The following ZNF568 variants were observed in gnomAD, a reference collection of about 807,000 sequenced individuals.
ZNF568 encodes the protein p53 inhibitor of SCO2 activation.
Under a neutral mutation model 18.1 loss-of-function variants are expected in ZNF568, and 11 were observed. The ratio of observed to expected loss-of-function variants is 0.61; its 90% CI spans 0.38 to 1.00. ZNF568 has a LOEUF of 1.00. Among genes scored for constraint, ZNF568 ranks in the 50% least tolerant of loss-of-function variants. ZNF568 has a pLI of 0.01. For synonymous variants in ZNF568, 213 were observed against 246.6 expected (o/e 0.86, Z 1.28); for missense variants, 639 against 768.2 (o/e 0.83, Z 1.99).
Position 36,949,749 on chromosome 19 carries a change from T to C in ZNF568, c.596T>C (p.Val199Ala). 1.2e-6 allele frequency: 2 copies of C among 1,614,002 alleles called. No homozygotes were observed. Among genetic ancestry groups the C allele is most frequent in the Non-Finnish European group, 1.7e-6 (2 of 1,179,918 alleles). The change falls in exon 7 of 7, where the codon GTA (valine) becomes GCA (alanine). Residue 199 changes from valine (V) to alanine (A), a missense_variant. Transcript: ENST00000333987. ...TTACTTAGATATGAGAAAGGCTGTGTAAGAGAGAAACAGAGTAATGAGTTT... is the reference window on the plus strand; with the variant it reads ...TTACTTAGATATGAGAAAGGCTGTGCAAGAGAGAAACAGAGTAATGAGTTT... ...LDLLRYEKGC[V>A]REKQSNEFGK...
chr19:36,978,875 G>A (rs1310086517), intron 7 of ZNF568: 2 of 250,516 alleles, frequency 8.0e-6, no homozygotes, highest in Non-Finnish European at 7.9e-6. Flanking sequence ...GGGTTCTACT[G>A]AACCTAGTCA....
chr19:36,920,579 T>C lies in ZNF568; in HGVS notation c.-185-2007T>C, dbSNP rs947452058. The stretch of plus-strand genomic sequence containing the variant: ...CTTAGGTTGCAGTTAGCCAAGATGG[T>C]GCCATTACTCCAGCCTGGGTGACAG... On this transcript the variant is annotated intron_variant, in intron 2 of 6. Transcript: ENST00000333987. Among the ~76,000 whole-genome samples, 11 of 148,312 alleles carry C rather than the reference T, an allele frequency of 7.4e-5. No homozygotes were observed. In the East Asian group the frequency reaches 2.2e-3, roughly 29 times the overall value.
At chr19:36,945,032 AATTTTT>A (rs2073939495) in intron 6 of ZNF568, among the ~76,000 whole-genome samples, 1 of 151,580 alleles carries the variant, frequency 6.6e-6, no homozygotes, top group Non-Finnish European at 1.5e-5. Flanking sequence ...TTTTTGATTT[AATTTTT>A]ATTTTTTCAT....
At chr19:36,936,940 T>G in intron 5 of ZNF568, 68 bp downstream of exon 5, 1 of 1,574,138 alleles carries the variant, frequency 6.4e-7, no homozygotes, top group Non-Finnish European at 8.7e-7. Flanking sequence ...GTGTGAAGAC[T>G]GTAACTTGCC....
chr19:36,988,177 C>G (rs914298228), intron 2 of ZNF568, among the ~76,000 whole-genome samples: 4 of 151,922 alleles, frequency 2.6e-5, no homozygotes, highest in Non-Finnish European at 5.9e-5. Context: ...TGGTCTTAAA[C>G]TCCTGGACCC....
intron 6 of ZNF568, among the ~76,000 whole-genome samples, chr19:36,962,703 A>C (rs2074164888): frequency 6.6e-6 from 1 of 152,198 alleles, no homozygotes; most frequent in Admixed American, 6.6e-5. Context: ...GCTTGTCTAG[A>C]AAGGTCTATT....
intron 3 of ZNF568, chr19:36,991,345 A>G (rs941815565): frequency 6.8e-6 from 10 of 1,472,628 alleles, no homozygotes; most frequent in Non-Finnish European, 9.0e-6. Flanking sequence ...CGCCAAACAC[A>G]CAATTGGCCT....
chr19:36,958,773 C>T (rs1177952757), intron 6 of ZNF568, among the ~76,000 whole-genome samples: 1 of 151,806 alleles, frequency 6.6e-6, no homozygotes, highest in Non-Finnish European at 1.5e-5. Context: ...CGTGCACCAC[C>T]AAGCCCAGCT....
intron 3 of ZNF568, among the ~76,000 whole-genome samples, chr19:36,924,250 G>T (rs571771014): frequency 5.3e-5 from 8 of 151,838 alleles, no homozygotes; most frequent in Admixed American, 3.9e-4. Flanking sequence ...ACAGAGTCTC[G>T]CTCTGTCGCC....
chr19:36,940,766 T>C (rs2146296450), intron 6 of ZNF568, among the ~76,000 whole-genome samples: 1 of 152,334 alleles, frequency 6.6e-6, no homozygotes, highest in South Asian at 2.1e-4. Flanking sequence ...TGAGGCTTTC[T>C]TTTTCTTTTT....
At chr19:36,997,132 T>A in exon 5 of ZNF568, 2 of 1,574,260 alleles carry the variant, frequency 1.3e-6, no homozygotes, top group Non-Finnish European at 1.7e-6. Context: ...ACGCTATGAA[T>A]GCAGGGAGTG....
chr19:36,970,076 A>G (rs2074225483), intron 6 of ZNF568, among the ~76,000 whole-genome samples: 1 of 124,204 alleles, frequency 8.1e-6, no homozygotes, highest in Non-Finnish European at 1.7e-5. Context: ...TCTCAAGATT[A>G]TTAGTTGAAG....
chr19:36,966,918 T>A (rs2074199342), intron 6 of ZNF568, among the ~76,000 whole-genome samples: 1 of 152,222 alleles, frequency 6.6e-6, no homozygotes, highest in African/African-American at 2.4e-5. Context: ...ATGCTCACAG[T>A]GGCACCCAAA....
chr19:36,927,291 A>G (rs1380340348), intron 4 of ZNF568, among the ~76,000 whole-genome samples: 1 of 152,192 alleles, frequency 6.6e-6, no homozygotes, highest in Non-Finnish European at 1.5e-5. Context: ...AATTAATATT[A>G]GATCATAGAG....
Position 36,949,503 on chromosome 19 carries a change from C to T in ZNF568, c.359-9C>T. 2 of 1,546,324 alleles carry T rather than the reference C, an allele frequency of 1.3e-6. No individual in the cohort carries two copies. The highest frequency in any genetic ancestry group is 1.7e-6 in the Non-Finnish European group (2 of 1,152,502). On this transcript the variant is annotated splice_polypyrimidine_tract_variant and intron_variant, in intron 6 of 6. Coordinates refer to ENST00000333987, the MANE Select transcript of ZNF568 (RefSeq NM_198539.4). ...TTCACAAGTAATAATTTCTGGTCCT[C>T]CATTTTAGAAGTTTGGGAAGTTGAT...
intron 4 of ZNF568, among the ~76,000 whole-genome samples, chr19:36,934,477 C>T (rs535339327): frequency 8.6e-5 from 13 of 151,922 alleles, no homozygotes; most frequent in South Asian, 2.1e-4. Flanking sequence ...TACACCACCA[C>T]GCCCTACTAA....
At chr19:36,997,025 A>G (rs1179085087) in exon 5 of ZNF568, 3 of 1,561,378 alleles carry the variant, frequency 1.9e-6, no homozygotes, top group Admixed American at 1.9e-5. Context: ...CAAAGAATCC[A>G]TACGGGTGAG....
downstream of ZNF568, chr19:36,997,638 T>A (rs1209963240): frequency 6.8e-7 from 1 of 1,475,682 alleles, no homozygotes; most frequent in Non-Finnish European, 9.2e-7. Context: ...CATATGAATG[T>A]CAGCAGTGTG....
intron 2 of ZNF568, among the ~76,000 whole-genome samples, chr19:36,989,109 C>A (rs970442172): frequency 6.6e-6 from 1 of 152,158 alleles, no homozygotes; most frequent in South Asian, 2.1e-4. Flanking sequence ...CCTAAAACTT[C>A]TTGGCTTCCC....
Sources: allele counts gnomAD v4.1 joint callset (sites outside exome capture counted in the v4.1 genomes callset), GRCh38; gene constraint gnomAD v4.1.1; transcripts MANE v1.5; gene names NCBI Gene and HGNC (gene_info 2026-07-23, HGNC 2026-07-21).